The following TRIM38 variants were observed in gnomAD, a reference collection of about 807,000 sequenced individuals.
TRIM38 encodes the protein E3 ubiquitin-protein ligase TRIM38.
A neutral mutation model predicts 35.8 loss-of-function variants in TRIM38; 35 were observed. That is an observed-to-expected ratio of 0.98 (90% CI 0.75 to 1.30). The LOEUF (loss-of-function observed/expected upper bound fraction) is 1.30, where lower values mean the gene tolerates loss of function less well. Ranked by LOEUF, TRIM38 falls within the 50% of genes most tolerant of loss-of-function variation. The pLI is 0.00. For missense variants in TRIM38, 545 were observed against 556.9 expected (o/e 0.98, Z 0.21); for synonymous variants, 198 against 204.7 (o/e 0.97, Z 0.28).
At chr6:25,971,784 C>T (rs982512994) in intron 4 of TRIM38, 85 bp from the exon 5 acceptor site, 2 of 1,202,078 alleles carry the variant, frequency 1.7e-6, no homozygotes, top group African/African-American at 3.0e-5. Context: ...TAGCGTGTGT[C>T]AGACTTTCAT....
chr6:25,974,943 G>C (rs1473208200), intron 7 of TRIM38: 1 of 985,116 alleles, frequency 1.0e-6, no homozygotes, highest in Admixed American at 6.2e-5. Context: ...AAGTTTTGCT[G>C]GGATTTCACT....
intron 2 of TRIM38, among the ~76,000 whole-genome samples, chr6:25,965,860 C>T (rs1760019290): frequency 6.6e-6 from 1 of 150,534 alleles, no homozygotes; most frequent in Non-Finnish European, 1.5e-5. Context: ...GGCGGAGGTG[C>T]AGTGAGCCGA....
In TRIM38 at chr6:25,966,724, A is replaced by G. The variant is rs140538175; in HGVS notation, c.202A>G (p.Met68Val). 9.9e-5 allele frequency: 160 copies of G among 1,614,086 alleles called. 1 individual carries two copies. The Middle Eastern group carries it at 1.2e-3, about 12-fold the overall frequency. ...TCCCCAGTGTCGGGCTCCATTTCAT[A>G]TGGATAGCCTCCGACCCAACAAGCA... ...CCPQCRAPFH[M>V]DSLRPNKQLG... The change falls in exon 3 of 8, where the codon ATG becomes GTG. Residue 68 changes from methionine (M) to valine (V), a missense_variant. Met to Val is a conservative substitution (Grantham distance 21). Transcript: ENST00000357085.
rs549460936 is a variant in TRIM38 at position 25,989,060 on chromosome 6, C to A, written c.*5373C>A. 25 of 152,276 alleles carry A rather than the reference C, an allele frequency of 1.6e-4. No homozygotes were observed. Among genetic ancestry groups the A allele is most frequent in the African/African-American group, 5.8e-4 (24 of 41,550 alleles). 9.4% of individuals were successfully genotyped at this position (152,276 alleles called of 1,614,324 possible). A position where few individuals can be genotyped will look rare whatever the true frequency, so the allele number is the denominator to read the frequency against. Reference sequence around the variant, plus strand: ...TACTATTGCTACATATCTTTGCAACCTTTGGTGCTGACAGTGTTCTAAATT... The same window carrying A: ...TACTATTGCTACATATCTTTGCAACATTTGGTGCTGACAGTGTTCTAAATT... On this transcript the variant is annotated 3_prime_UTR_variant, in exon 8 of 8. Transcript: ENST00000357085.
intron 3 of TRIM38, among the ~76,000 whole-genome samples, chr6:25,968,411 C>T (rs1760126695): frequency 6.6e-6 from 1 of 152,142 alleles, no homozygotes; most frequent in Admixed American, 6.6e-5. Context: ...CTTGGTTTCT[C>T]CATCTGTAAA....
chr6:25,968,926 A>G (rs1052363387), intron 3 of TRIM38, among the ~76,000 whole-genome samples: 2 of 152,196 alleles, frequency 1.3e-5, no homozygotes, highest in Non-Finnish European at 2.9e-5. Context: ...GTTTTACAAA[A>G]TCTTTTAGAT....
chr6:25,969,228 C>G, intron 3 of TRIM38, 97 bp from the exon 4 acceptor site: 1 of 892,824 alleles, frequency 1.1e-6, no homozygotes, highest in Non-Finnish European at 1.8e-6. Context: ...TAAATATTCA[C>G]TATTATTCAA....
rs576060680 is a variant in TRIM38 at position 25,983,678 on chromosome 6, A to G, written c.1389A>G (p.Pro463=). Residue 463 remains proline, a synonymous_variant, in exon 8 of 8, where the codon CCA becomes CCG. Coordinates refer to ENST00000357085, the MANE Select transcript of TRIM38 (RefSeq NM_006355.5). ...ATTCTCCTTTGTTTCTGCCTCCCCC[A>G]GGTGACTAAGGAAAAGAGCAGAAGC... ...YQYSPLFLPP[P]GD is the part of the protein sequence containing the mutation. 6.3e-7 allele frequency: 1 copy of G among 1,578,472 alleles called. No individual in the cohort carries two copies. The highest frequency in any genetic ancestry group is 8.6e-7 in the Non-Finnish European group (1 of 1,165,292).
chr6:25,983,705 C>G lies in TRIM38; in HGVS notation c.*18C>G. 1 of 1,550,150 alleles carries G rather than the reference C, an allele frequency of 6.5e-7. No homozygotes were observed. Among genetic ancestry groups the G allele is most frequent in the Non-Finnish European group, 8.7e-7 (1 of 1,154,328 alleles). ...GTGACTAAGGAAAAGAGCAGAAGCT[C>G]CTTGGTTTAACCAGCACAGAGAAAA... On this transcript the variant is annotated 3_prime_UTR_variant, in exon 8 of 8. Transcript: ENST00000357085.
rs1760791081 is a variant in TRIM38, at chr6:25,989,425, C to T, written c.*5738C>T. 6.6e-6 allele frequency: 1 copy of T among 151,260 alleles called. No individual in the cohort carries two copies. The highest frequency in any genetic ancestry group is 2.4e-5 in the African/African-American group (1 of 41,076). The allele number at this position is 151,260 out of a possible 1,614,324, so 9.4% of individuals were successfully genotyped here. A position where few individuals can be genotyped will look rare whatever the true frequency, so the allele number is the denominator to read the frequency against. On this transcript the variant is annotated 3_prime_UTR_variant, in exon 8 of 8. Coordinates refer to ENST00000357085, the MANE Select transcript of TRIM38 (RefSeq NM_006355.5). ...GTATTAATTTGGCAATCTCATATCA[C>T]GAGAGTACTCTAAAGCTAAATAAAT... is the stretch of plus-strand genomic sequence containing the variant.
chr6:25,982,889 C>G (rs1009653529), intron 7 of TRIM38, among the ~76,000 whole-genome samples: 19 of 152,254 alleles, frequency 1.2e-4, no homozygotes, highest in African/African-American at 4.1e-4. Context: ...GAGTTTGAGA[C>G]CAGCCTGGCC....
chr6:25,983,077 A>T, intron 7 of TRIM38, 87 bp from the exon 8 acceptor site: 1 of 1,349,992 alleles, frequency 7.4e-7, no homozygotes, highest in Non-Finnish European at 1.0e-6. Context: ...TGACAGCAAC[A>T]CTCCATCTCA....
intron 7 of TRIM38, among the ~76,000 whole-genome samples, chr6:25,982,359 C>T (rs1464534174): frequency 6.6e-6 from 1 of 152,162 alleles, no homozygotes; most frequent in African/African-American, 2.4e-5. Flanking sequence ...GTCCTCATGC[C>T]CTCACCTGTT....
rs1760697036 is a variant in TRIM38 at position 25,986,025 on chromosome 6, G to A, written c.*2338G>A. On this transcript the variant is annotated 3_prime_UTR_variant, in exon 8 of 8. Transcript: ENST00000357085. ...CAGGAAAGTTATGGAAAGAATATAA[G>A]TCCTGCTAGATAAATCATTAGCTAT... 1 of 152,234 alleles carries A rather than the reference G, an allele frequency of 6.6e-6. No individual in the cohort carries two copies. Among genetic ancestry groups the A allele is most frequent in the East Asian group, 1.9e-4 (1 of 5,192 alleles). The allele number at this position is 152,234 out of a possible 1,614,324, so 9.4% of individuals were successfully genotyped here.
intron 3 of TRIM38, 30 bp downstream of exon 3, chr6:25,966,963 A>G (rs1467381381): frequency 6.4e-7 from 1 of 1,571,564 alleles, no homozygotes; most frequent in Non-Finnish European, 8.7e-7. Context: ...AGCTTTGGTA[A>G]GTACCAAGTC....
intron 7 of TRIM38, among the ~76,000 whole-genome samples, chr6:25,978,528 G>A (rs981220073): frequency 6.6e-6 from 1 of 151,086 alleles, no homozygotes; most frequent in Non-Finnish European, 1.5e-5. Context: ...TTGTTTTTTC[G>A]AGACAGGCTC....
chr6:25,972,043 A>G lies in TRIM38; in HGVS notation c.682A>G (p.Ser228Gly). 1 of 1,614,176 alleles carries G rather than the reference A, an allele frequency of 6.2e-7. No individual in the cohort carries two copies. The highest frequency in any genetic ancestry group is 8.5e-7 in the Non-Finnish European group (1 of 1,180,026). ...GLGLKSNELKSHILELEEKCQ... is the reference protein window; with the variant it reads ...GLGLKSNELKGHILELEEKCQ... ...GGGGCTGAAGAGCAATGAACTCAAG[A>G]GCCACATCCTGGAACTGGAGGAAAA... Residue 228 changes from serine (S) to glycine (G), a missense_variant, in exon 5 of 8, where the codon AGC becomes GGC. Coordinates refer to ENST00000357085, the MANE Select transcript of TRIM38 (RefSeq NM_006355.5).
rs59539108 is a variant in TRIM38 at position 25,989,510 on chromosome 6, C to CTTTTTTTTTT, written c.*5838_*5847dup. On this transcript the variant is annotated 3_prime_UTR_variant, in exon 8 of 8. Transcript: ENST00000357085. Reference sequence around the variant, plus strand: ...GCTATTGTTAGCAAGGTCTTGTATTCTTTTTTTTTTTTTTTTTTTTTTTTA... The same window carrying CTTTTTTTTTT: ...GCTATTGTTAGCAAGGTCTTGTATTCTTTTTTTTTTTTTTTTTTTTTTTTTTTTTTTTTTA... 4 of 93,724 alleles carry CTTTTTTTTTT rather than the reference C, an allele frequency of 4.3e-5. No homozygotes were observed. The highest frequency in any genetic ancestry group is 2.6e-4 in the East Asian group (1 of 3,822). The allele number at this position is 93,724 out of a possible 1,614,324, so 5.8% of individuals were successfully genotyped here.
At position 25,987,691 on chromosome 6, in the gene TRIM38, G is replaced by A. The variant is rs571004276; in HGVS notation, c.*4004G>A. On this transcript the variant is annotated 3_prime_UTR_variant, in exon 8 of 8. Coordinates refer to ENST00000357085, the MANE Select transcript of TRIM38 (RefSeq NM_006355.5). ...ATTACAATTGAACTTACATTGACAC[G>A]TCATTATCAACGAAAGTCTGTAATT... The A allele has an allele frequency of 6.6e-6, 1 of 152,252 alleles. No homozygotes were observed. The highest frequency in any genetic ancestry group is 1.5e-5 in the Non-Finnish European group (1 of 68,018). The allele number at this position is 152,252 out of a possible 1,614,324, so 9.4% of individuals were successfully genotyped here.
Sources: allele counts gnomAD v4.1 joint callset (sites outside exome capture counted in the v4.1 genomes callset), GRCh38; gene constraint gnomAD v4.1.1; transcripts MANE v1.5; gene names NCBI Gene and HGNC (gene_info 2026-07-23, HGNC 2026-07-21).